TMCC2: variants seen among roughly 807,000 people sequenced by gnomAD.
TMCC2 encodes transmembrane and coiled-coil domains protein 2.
A neutral mutation model predicts 49.4 loss-of-function variants in TMCC2; 16 were observed. That is an observed-to-expected ratio of 0.32 (90% confidence interval 0.22 to 0.49). TMCC2 has a LOEUF of 0.49. Among genes scored for constraint, TMCC2 ranks in the 20% least tolerant of loss-of-function variants. TMCC2 has a pLI of 0.99. For missense variants in TMCC2, 762 were observed against 989.8 expected (o/e 0.77, Z 3.09); for synonymous variants, 397 against 434.1 (o/e 0.91, Z 1.06).
intron 1 of TMCC2, chr1:205,230,176 G>T: frequency 1.0e-6 from 1 of 985,534 alleles, no homozygotes; most frequent in African/African-American, 1.7e-5. Flanking sequence ...GCAGGTGAGT[G>T]TGTGTGCTCT....
At chr1:205,235,807 C>T (rs1389384968) in intron 1 of TMCC2, among the ~76,000 whole-genome samples, 2 of 152,134 alleles carry the variant, frequency 1.3e-5, no homozygotes, top group Non-Finnish European at 2.9e-5. Flanking sequence ...CGGTGGCTCA[C>T]GCCTGTAATC....
intron 4 of TMCC2, 101 bp from the exon 5 acceptor site, chr1:205,271,712 A>G (rs1021302492): frequency 2.3e-5 from 33 of 1,457,318 alleles, no homozygotes; most frequent in Non-Finnish European, 2.9e-5. Context: ...TTTGGAGAGG[A>G]GACTTCGTTA....
At chr1:205,266,231 ACT>A (rs1306839575) in intron 2 of TMCC2, among the ~76,000 whole-genome samples, 5 of 123,362 alleles carry the variant, frequency 4.1e-5, no homozygotes, top group South Asian at 5.2e-4. Flanking sequence ...ACAGAGCGAG[ACT>A]CTGTCTCAAA....
intron 2 of TMCC2, among the ~76,000 whole-genome samples, chr1:205,252,958 T>TAAA (rs959848503): frequency 3.5e-5 from 5 of 144,892 alleles, no homozygotes; most frequent in African/African-American, 1.3e-4. Flanking sequence ...TTGTCTCTCT[T>TAAA]AAAAAAAAAA....
intron 2 of TMCC2, among the ~76,000 whole-genome samples, chr1:205,266,261 AG>A (rs1337189229): frequency 2.0e-5 from 3 of 146,736 alleles, no homozygotes; most frequent in African/African-American, 7.6e-5. Context: ...AAAAAAAAAA[AG>A]TTCTGTAACA....
chr1:205,230,996 A>ACCCCCCCCCCCCCCCCCCC (rs1201079316), intron 1 of TMCC2, among the ~76,000 whole-genome samples: 2 of 2,882 alleles, frequency 6.9e-4, no homozygotes, highest in Admixed American at 7.0e-3. Context: ...CCATCCCCCC[A>ACCCCCCCCCCCCCCCCCCC]TCCCCCCCCC....
chr1:205,269,655 A>G lies in TMCC2; in HGVS notation c.1453A>G (p.Ser485Gly). Residue 485 changes from serine (S) to glycine (G), a missense_variant, in exon 3 of 5, where the codon AGC becomes GGC. Coordinates refer to ENST00000358024, the MANE Select transcript of TMCC2 (RefSeq NM_014858.4). Reference sequence around the variant, plus strand: ...TGATGAGTGCTCCAGCGCCAGCGCCAGCTCAGCCGGGGCAGGCAGCAACTC... The same window carrying G: ...TGATGAGTGCTCCAGCGCCAGCGCCGGCTCAGCCGGGGCAGGCAGCAACTC... Reference protein sequence around the residue: ...SDDECSSASASSAGAGSNSGA... With the variant: ...SDDECSSASAGSAGAGSNSGA... 6.2e-7 allele frequency: 1 copy of G among 1,613,764 alleles called. No individual in the cohort carries two copies. The highest frequency in any genetic ancestry group is 8.5e-7 in the Non-Finnish European group (1 of 1,179,928).
rs371971632 is a variant in TMCC2, at chr1:205,241,789, C to T, written c.492C>T (p.Gly164=). Residue 164 remains glycine, a synonymous_variant, in exon 2 of 5, where the codon GGC becomes GGT. Transcript: ENST00000358024. The surrounding 1 kb of genome is among the most constrained non-coding windows in gnomAD (Gnocchi z 7.3). ...QIRSRPSIKR[G]ASLHSSSGGG... Reference sequence around the variant, plus strand: ...GCTCCCGGCCCTCCATCAAGCGGGGCGCCAGCCTGCACAGCAGCAGTGGGG... The same window carrying T: ...GCTCCCGGCCCTCCATCAAGCGGGGTGCCAGCCTGCACAGCAGCAGTGGGG... 2.5e-4 allele frequency: 395 copies of T among 1,607,896 alleles called. 4 individuals carry two copies. The South Asian group carries it at 3.9e-3, about 16-fold the overall frequency.
chr1:205,234,473 A>AAC (rs1403274366), intron 1 of TMCC2, among the ~76,000 whole-genome samples: 1 of 152,032 alleles, frequency 6.6e-6, no homozygotes, highest in Non-Finnish European at 1.5e-5. Flanking sequence ...CAAACAAACA[A>AAC]AAAGGAAATG....
chr1:205,231,005 C>CCT (rs1197207948), intron 1 of TMCC2, among the ~76,000 whole-genome samples: 4 of 131,012 alleles, frequency 3.1e-5, no homozygotes, highest in Non-Finnish European at 6.7e-5. Flanking sequence ...CATCCCCCCC[C>CCT]CCGCCCCCAG....
chr1:205,259,374 C>T (rs566574206), intron 2 of TMCC2, among the ~76,000 whole-genome samples: 3 of 152,316 alleles, frequency 2.0e-5, no homozygotes, highest in South Asian at 4.1e-4. Flanking sequence ...ACAGCTTTCT[C>T]GTGCAGCTGG....
chr1:205,268,150 G>A, intron 2 of TMCC2: 1 of 883,306 alleles, frequency 1.1e-6, no homozygotes, highest in Non-Finnish European at 1.4e-6. Context: ...GGGCAGGCAG[G>A]CAGGGCACAA....
intron 2 of TMCC2, among the ~76,000 whole-genome samples, chr1:205,259,086 A>G (rs1049824301): frequency 3.3e-5 from 5 of 152,168 alleles, no homozygotes; most frequent in Non-Finnish European, 5.9e-5. Flanking sequence ...CTGCTTGTCT[A>G]GACCCATAGA....
intron 2 of TMCC2, among the ~76,000 whole-genome samples, chr1:205,255,234 G>A (rs1409626794): frequency 6.6e-6 from 1 of 151,852 alleles, no homozygotes; most frequent in African/African-American, 2.4e-5. Flanking sequence ...TCCTAGCTTG[G>A]TGGGGCCTAG....
At chr1:205,245,991 G>T (rs1041936303) in intron 2 of TMCC2, among the ~76,000 whole-genome samples, 1 of 151,942 alleles carries the variant, frequency 6.6e-6, no homozygotes, top group African/African-American at 2.4e-5. Flanking sequence ...GGCCAGGCTG[G>T]TCTCAAACTC....
At chr1:205,267,479 T>C (rs1208721975) in intron 2 of TMCC2, among the ~76,000 whole-genome samples, 1 of 152,032 alleles carries the variant, frequency 6.6e-6, no homozygotes, top group East Asian at 1.9e-4. Context: ...GACCCAGCCT[T>C]GCTTGGGGTG....
Position 205,271,174 on chromosome 1 carries a change from G to A in TMCC2, c.1737G>A (p.Glu579=). 6.2e-7 allele frequency: 1 copy of A among 1,614,024 alleles called. No individual in the cohort carries two copies. The highest frequency in any genetic ancestry group is 1.1e-5 in the South Asian group (1 of 91,080). Residue 579 remains glutamate (E), a synonymous_variant, in exon 4 of 5, where the codon GAG becomes GAA. Coordinates refer to ENST00000358024, the MANE Select transcript of TMCC2 (RefSeq NM_014858.4). ...LNDLTELHQN[E]MTNLKQELAS... is the part of the protein sequence containing the mutation. ...ACCTGACTGAGCTTCATCAGAACGA[G>A]ATGACGAACCTGAAGCAGGAGCTGG...
chr1:205,269,678 C>T lies in TMCC2; in HGVS notation c.1476C>T (p.Asn492=), dbSNP rs12750209. 3.1e-6 allele frequency: 5 copies of T among 1,613,962 alleles called. No individual in the cohort carries two copies. In the South Asian group the frequency reaches 5.5e-5, roughly 18 times the overall value. Residue 492 remains asparagine (N), a synonymous_variant, in exon 3 of 5, where the codon AAC becomes AAT. Coordinates refer to ENST00000358024, the MANE Select transcript of TMCC2 (RefSeq NM_014858.4). ...ASASSAGAGS[N]SGAGPGGALG... ...CCAGCTCAGCCGGGGCAGGCAGCAA[C>T]TCTGGGGCTGGGCCTGGTGGGGCGC...
intron 1 of TMCC2, chr1:205,228,997 G>A (rs1351095211): frequency 1.5e-6 from 2 of 1,358,230 alleles, no homozygotes; most frequent in Non-Finnish European, 1.9e-6. Flanking sequence ...TATTCAGCAA[G>A]CGTTTTAGTG....
Sources: gnomAD v4.1 joint callset for allele counts (sites outside exome capture counted in the v4.1 genomes callset) on GRCh38, gnomAD v4.1.1 for gene constraint, Gnocchi (gnomAD v3.1) non-coding constraint, MANE v1.5 for transcripts, NCBI Gene and HGNC (gene_info 2026-07-23, HGNC 2026-07-21) for gene names.